STAT1: variants seen among roughly 807,000 people sequenced by gnomAD.
The protein encoded by STAT1 is signal transducer and activator of transcription 1-alpha/beta.
STAT1 carries 24 observed loss-of-function variants against 111.7 expected under a neutral mutation model. That is an observed-to-expected ratio of 0.21 (90% CI 0.16 to 0.30). The LOEUF (loss-of-function observed/expected upper bound fraction) is 0.30. Among genes scored for constraint, STAT1 ranks in the 10% least tolerant of loss-of-function variants. STAT1 has a pLI of 1.00. For missense variants in STAT1, 351 were observed against 911.9 expected, an observed-to-expected ratio of 0.38 and a Z score of 7.92; for synonymous variants, 332 against 326.5, an observed-to-expected ratio of 1.02 and a Z score of -0.18.
At chr2:190,985,572 C>T (rs2125029142) in intron 15 of STAT1, 47 bp downstream of exon 15, 3 of 1,610,596 alleles carry the variant, frequency 1.9e-6, no homozygotes, top group Non-Finnish European at 8.5e-7. Context: ...CCTTGCTAGA[C>T]AGACCTGCCT....
At position 191,000,442 on chromosome 2, in the gene STAT1, A is replaced by G. The variant is rs2125077427; in HGVS notation, c.462+632T>C. On this transcript the variant is annotated intron_variant, in intron 6 of 24. Transcript: ENST00000361099. This position sits in a 1 kb window ranked among gnomAD's most constrained non-coding sequence, Gnocchi z 4.8. The stretch of plus-strand genomic sequence containing the variant: ...GCTATTACCCAGAGATCCACAGAGG[A>G]CCAAACCCCTAAGCTGGAAGGCCTT... Among the ~76,000 whole-genome samples, 1 of 152,286 alleles carries G rather than the reference A, an allele frequency of 6.6e-6. No homozygotes were observed. Among genetic ancestry groups the G allele is most frequent in the Non-Finnish European group, 1.5e-5 (1 of 68,020 alleles).
At position 190,986,728 on chromosome 2, in the gene STAT1, G is replaced by A. The variant is rs552700466; in HGVS notation, c.1221+126C>T. 1.9e-5 allele frequency: 17 copies of A among 911,306 alleles called. No homozygotes were observed. The South Asian group carries it at 2.3e-4, about 12-fold the overall frequency. 56.5% of individuals were successfully genotyped at this position (911,306 alleles called of 1,614,324 possible). ...AAGTACTGGCGACAGGAAGACACCA[G>A]CCACAAAGTCTACAAACCCCAGCAG... On this transcript the variant is annotated intron_variant, in intron 14 of 24. Coordinates refer to ENST00000361099, the MANE Select transcript of STAT1 (RefSeq NM_007315.4). The surrounding 1 kb of genome is among the most constrained non-coding windows in gnomAD (Gnocchi z 5.0).
rs1559017192 is a variant in STAT1, at chr2:190,994,959, A to AT, written c.944+101_944+102insA. The stretch of plus-strand genomic sequence containing the variant: ...ATATATATATATATATATATATATA[A>AT]AAAACACCTATTAAACCCTTGTAAA... On this transcript the variant is annotated intron_variant, in intron 10 of 24. Coordinates refer to ENST00000361099, the MANE Select transcript of STAT1 (RefSeq NM_007315.4). 1.4e-3 allele frequency: 636 copies of AT among 461,278 alleles called. 53 individuals are homozygous for AT. The highest frequency in any genetic ancestry group is 5.2e-3 in the East Asian group (79 of 15,160). 28.6% of individuals were successfully genotyped at this position (461,278 alleles called of 1,614,324 possible). A position where few individuals can be genotyped will look rare whatever the true frequency, so the allele number is the denominator to read the frequency against.
At position 190,974,863 on chromosome 2, in the gene STAT1, A is replaced by C; in HGVS notation, c.2205T>G (p.Ser735=). Residue 735 remains serine, a synonymous_variant, in exon 24 of 25, where the codon TCT becomes TCG. Coordinates refer to ENST00000361099, the MANE Select transcript of STAT1 (RefSeq NM_007315.4). The surrounding 1 kb of genome is among the most constrained non-coding windows in gnomAD (Gnocchi z 4.8). The part of the protein sequence containing the change: ...PMSPEEFDEV[S]RIVGSVEFDS... ...CGAATTCTACAGAGCCCACTATCCG[A>C]GACACCTCGTCAAACTCCTCAGGAG... 3 of 1,614,200 alleles carry C rather than the reference A, an allele frequency of 1.9e-6. No individual in the cohort carries two copies. Among genetic ancestry groups the C allele is most frequent in the Non-Finnish European group, 2.5e-6 (3 of 1,180,022 alleles).
Position 190,993,199 on chromosome 2 carries a change from C to T in STAT1, c.944+1862G>A. 1.8e-6 allele frequency: 1 copy of T among 542,184 alleles called. No homozygotes were observed. The highest frequency in any genetic ancestry group is 3.5e-6 in the Non-Finnish European group (1 of 287,898). The allele number at this position is 542,184 out of a possible 1,614,324, so 33.6% of individuals were successfully genotyped here. A position where few individuals can be genotyped will look rare whatever the true frequency, so the allele number is the denominator to read the frequency against. On this transcript the variant is annotated intron_variant, in intron 10 of 24. Coordinates refer to ENST00000361099, the MANE Select transcript of STAT1 (RefSeq NM_007315.4). The surrounding 1 kb of genome is among the most constrained non-coding windows in gnomAD (Gnocchi z 4.1). ...TCTCTGTGGTCAGATCACACTTGTT[C>T]CCTACCAACAATTTGTTGACGTTTT...
chr2:191,010,124 C>T, intron 2 of STAT1, 120 bp from the exon 3 acceptor site: 1 of 1,198,434 alleles, frequency 8.3e-7, no homozygotes, highest in Non-Finnish European at 1.2e-6. Context: ...CATAGTTTGT[C>T]CCAGGAATAT....
At position 190,980,610 on chromosome 2, in the gene STAT1, C is replaced by G. The variant is rs765556713; in HGVS notation, c.1632+10G>C. The G allele has an allele frequency of 4.3e-6, 7 of 1,614,134 alleles. No individual in the cohort carries two copies. Among genetic ancestry groups the G allele is most frequent in the Admixed American group, 1.7e-5 (1 of 60,032 alleles). Reference sequence around the variant, plus strand: ...GGACTTAGAGAGCATAAAACCCAGACAGTCCTCACCTTACAAAACCTCGTC... The same window carrying G: ...GGACTTAGAGAGCATAAAACCCAGAGAGTCCTCACCTTACAAAACCTCGTC... On this transcript the variant is annotated intron_variant, in intron 19 of 24. Coordinates refer to ENST00000361099, the MANE Select transcript of STAT1 (RefSeq NM_007315.4). This position sits in a 1 kb window ranked among gnomAD's most constrained non-coding sequence, Gnocchi z 6.1.
rs780174356 is a variant in STAT1, at chr2:190,991,366, G to A, written c.945-46C>T. 8.9e-6 allele frequency: 14 copies of A among 1,574,316 alleles called. No individual in the cohort carries two copies. The South Asian group carries it at 1.4e-4, about 16-fold the overall frequency. On this transcript the variant is annotated intron_variant, in intron 10 of 24. Coordinates refer to ENST00000361099, the MANE Select transcript of STAT1 (RefSeq NM_007315.4). Reference sequence around the variant, plus strand: ...ATAGATAAGTTAGCATTTCCATTAAGGTTGAGGCAATCACAATGATTTTCC... The same window carrying A: ...ATAGATAAGTTAGCATTTCCATTAAAGTTGAGGCAATCACAATGATTTTCC...
rs1408427424 is a variant in STAT1, at chr2:191,012,505, A to G, written c.-2+1020T>C. 6.6e-6 allele frequency among the ~76,000 whole-genome samples: 1 copy of G among 152,052 alleles called. No individual in the cohort carries two copies. Among genetic ancestry groups the G allele is most frequent in the East Asian group, 1.9e-4 (1 of 5,182 alleles). ...CACAAAACCTGTTACCAACTCAGGG[A>G]GTGGCATGGCCATCTCCCAGTCACT... On this transcript the variant is annotated intron_variant, in intron 2 of 24. Coordinates refer to ENST00000361099, the MANE Select transcript of STAT1 (RefSeq NM_007315.4). The surrounding 1 kb of genome is among the most constrained non-coding windows in gnomAD (Gnocchi z 4.0).
chr2:190,977,864 C>G lies in STAT1; in HGVS notation c.1874-839G>C, dbSNP rs1692030654. On this transcript the variant is annotated intron_variant, in intron 21 of 24. Transcript: ENST00000361099. This position sits in a 1 kb window ranked among gnomAD's most constrained non-coding sequence, Gnocchi z 4.7. ...ACTACTGCCCACGCCAGACTCTCAT[C>G]TCAGCCTCCCTGCTTTTTCCTCAGA... Among the ~76,000 whole-genome samples the G allele has an allele frequency of 6.6e-6, 1 of 152,158 alleles. No homozygotes were observed. Among genetic ancestry groups the G allele is most frequent in the African/African-American group, 2.4e-5 (1 of 41,428 alleles).
Position 191,007,568 on chromosome 2 carries a change from T to G in STAT1, c.367A>C (p.Asn123His), listed in dbSNP as rs748138919. ...RKILENAQRF[N>H]QAQSGNIQST... ...GTTCAATGAGAAAAAAGTACCTGAT[T>G]AAATCTCTGGGCGTTTTCCAGAATT... Residue 123 changes from asparagine to histidine, a missense_variant, in exon 5 of 25, where the codon AAT becomes CAT. By Grantham distance (68) the Asn-to-His change is moderately conservative (BLOSUM62 1). Coordinates refer to ENST00000361099, the MANE Select transcript of STAT1 (RefSeq NM_007315.4). The surrounding 1 kb of genome is among the most constrained non-coding windows in gnomAD (Gnocchi z 4.2). 3.7e-6 allele frequency: 6 copies of G among 1,611,560 alleles called. No individual in the cohort carries two copies. Among genetic ancestry groups the G allele is most frequent in the Non-Finnish European group, 5.1e-6 (6 of 1,177,954 alleles).
intron 2 of STAT1, among the ~76,000 whole-genome samples, chr2:191,011,948 G>T (rs902404706): frequency 6.6e-6 from 1 of 151,774 alleles, no homozygotes; most frequent in African/African-American, 2.4e-5. Context: ...ACAGCCTCTC[G>T]TTATGTTTCT....
chr2:191,011,478 A>T (rs1193797441), intron 2 of STAT1, among the ~76,000 whole-genome samples: 1 of 152,180 alleles, frequency 6.6e-6, no homozygotes, highest in Non-Finnish European at 1.5e-5. Flanking sequence ...GCGCAGTGGC[A>T]GTGGAGCGCA....
rs763832537 is a variant in STAT1 at position 190,996,172 on chromosome 2, A to G, written c.786-953T>C. ...GTCTAGACCCTAAACATAAAAAGCC[A>G]ATGAGTAAACCCAGTGATTGCTCTT... is the stretch of plus-strand genomic sequence containing the variant. On this transcript the variant is annotated intron_variant, in intron 9 of 24. Coordinates refer to ENST00000361099, the MANE Select transcript of STAT1 (RefSeq NM_007315.4). This position sits in a 1 kb window ranked among gnomAD's most constrained non-coding sequence, Gnocchi z 4.5. Among the ~76,000 whole-genome samples the G allele has an allele frequency of 2.4e-4, 37 of 152,218 alleles. No homozygotes were observed. The highest frequency in any genetic ancestry group is 2.6e-4 in the Non-Finnish European group (18 of 68,030).
chr2:190,982,297 A>G lies in STAT1; in HGVS notation c.1582+86T>C. 6.5e-7 allele frequency: 1 copy of G among 1,532,110 alleles called. No homozygotes were observed. The highest frequency in any genetic ancestry group is 1.1e-5 in the South Asian group (1 of 87,848). 94.9% of individuals were successfully genotyped at this position (1,532,110 alleles called of 1,614,324 possible). A position where few individuals can be genotyped will look rare whatever the true frequency, so the allele number is the denominator to read the frequency against. On this transcript the variant is annotated intron_variant, in intron 18 of 24. Coordinates refer to ENST00000361099, the MANE Select transcript of STAT1 (RefSeq NM_007315.4). This position sits in a 1 kb window ranked among gnomAD's most constrained non-coding sequence, Gnocchi z 7.3. ...ATTTTAGTACTTTTTTACCTTTAACAAAATAGCAGAGGGGAAAAGAGCAAT... is the reference window on the plus strand; with the variant it reads ...ATTTTAGTACTTTTTTACCTTTAACGAAATAGCAGAGGGGAAAAGAGCAAT...
chr2:191,008,956 G>A lies in STAT1; in HGVS notation c.273+7C>T, dbSNP rs1387457545. 1 of 1,613,246 alleles carries A rather than the reference G, an allele frequency of 6.2e-7. No homozygotes were observed. The highest frequency in any genetic ancestry group is 1.7e-5 in the Admixed American group (1 of 59,978). ...ATTTCAACTAAAATACAAAAACCAG[G>A]TCATACCTGAAGATTACGCTTGCTT... On this transcript the variant is annotated splice_region_variant and intron_variant, in intron 4 of 24. Coordinates refer to ENST00000361099, the MANE Select transcript of STAT1 (RefSeq NM_007315.4).
At position 190,974,553 on chromosome 2, in the gene STAT1, T is replaced by A. The variant is rs1691751769; in HGVS notation, c.2238+277A>T. ...TTCCTTAATATATGAAATTTCTACA[T>A]GGACAACTTTAAAGGGGAGAGGAGG... On this transcript the variant is annotated intron_variant, in intron 24 of 24. Coordinates refer to ENST00000361099, the MANE Select transcript of STAT1 (RefSeq NM_007315.4). This position sits in a 1 kb window ranked among gnomAD's most constrained non-coding sequence, Gnocchi z 4.8. Among the ~76,000 whole-genome samples the A allele has an allele frequency of 2.0e-5, 3 of 152,242 alleles. No individual in the cohort carries two copies.
chr2:190,998,301 CT>C lies in STAT1; in HGVS notation c.548del (p.Glu183GlyfsTer22). 1 of 1,612,842 alleles carries C rather than the reference CT, an allele frequency of 6.2e-7. No homozygotes were observed. Reference protein sequence around the residue: ...KCKTLQNREHETNGVAKSDQK... With the variant: ...KCKTLQNREHXTNGVAKSDQK... ...GATCACTCTTTGCCACACCATTGGT[CT>C]CGTGTTCTATAAATTGAGAGACAGC... On this transcript the variant is annotated frameshift_variant, in exon 8 of 25. Coordinates refer to ENST00000361099, the MANE Select transcript of STAT1 (RefSeq NM_007315.4). LOFTEE classifies it high-confidence loss of function. This position sits in a 1 kb window ranked among gnomAD's most constrained non-coding sequence, Gnocchi z 4.1.
In STAT1 at chr2:190,993,488, G is replaced by C. The variant is rs878882294; in HGVS notation, c.944+1573C>G. 1.9e-6 allele frequency: 2 copies of C among 1,040,198 alleles called. No homozygotes were observed. Among genetic ancestry groups the C allele is most frequent in the Non-Finnish European group, 2.9e-6 (2 of 682,826 alleles). The allele number at this position is 1,040,198 out of a possible 1,614,324, so 64.4% of individuals were successfully genotyped here. A position where few individuals can be genotyped will look rare whatever the true frequency, so the allele number is the denominator to read the frequency against. On this transcript the variant is annotated intron_variant, in intron 10 of 24. Coordinates refer to ENST00000361099, the MANE Select transcript of STAT1 (RefSeq NM_007315.4). This position sits in a 1 kb window ranked among gnomAD's most constrained non-coding sequence, Gnocchi z 4.1. ...TGTTATCATCTGCAAACCTAAGAAG[G>C]AGGCAAGACTTTCCAACCCCAGAGT...
Sources: gnomAD v4.1 joint callset for allele counts (sites outside exome capture counted in the v4.1 genomes callset) on GRCh38, gnomAD v4.1.1 for gene constraint, Gnocchi (gnomAD v3.1) non-coding constraint, MANE v1.5 for transcripts, NCBI Gene and HGNC (gene_info 2026-07-23, HGNC 2026-07-21) for gene names.